Variants in NRP1 observed in about 807,000 individuals in gnomAD.
The protein encoded by NRP1 is neuropilin-1.
In NRP1, 35 loss-of-function variants were observed where a neutral mutation model predicts 106.7. The observed-to-expected ratio is 0.33, with a 90% CI of 0.25 to 0.43. The LOEUF (loss-of-function observed/expected upper bound fraction) is 0.43, where lower values mean the gene tolerates loss of function less well. Ranked by LOEUF, NRP1 falls within the 20% of genes least tolerant of loss-of-function variation. The pLI, the probability that NRP1 is intolerant of heterozygous loss-of-function variation, is 1.00. For missense variants in NRP1, 1,024 were observed against 1,170.4 expected, an observed-to-expected ratio of 0.87 and a Z score of 1.83; for synonymous variants, 437 against 417.9, an observed-to-expected ratio of 1.05 and a Z score of -0.56.
intron 10 of NRP1, 50 bp from the exon 11 acceptor site, chr10:33,203,045 C>G (rs776021002): frequency 6.4e-7 from 1 of 1,551,634 alleles, no homozygotes; most frequent in Admixed American, 1.8e-5. Context: ...AATGTATTCT[C>G]AAGCCTCTGG....
chr10:33,309,694 C>G (rs745429752), intron 2 of NRP1, among the ~76,000 whole-genome samples: 9 of 152,176 alleles, frequency 5.9e-5, no homozygotes, highest in Non-Finnish European at 1.2e-4. Flanking sequence ...TCCCATTGTC[C>G]TTGGAACACC....
At chr10:33,243,461 G>T (rs1187536349) in intron 6 of NRP1, among the ~76,000 whole-genome samples, 3 of 152,174 alleles carry the variant, frequency 2.0e-5, no homozygotes, top group Non-Finnish European at 4.4e-5. Context: ...GAATTTCACT[G>T]ATAGCCTTCT....
intron 10 of NRP1, chr10:33,206,161 A>G (rs1278383237): frequency 1.9e-6 from 1 of 514,092 alleles, no homozygotes; most frequent in Non-Finnish European, 3.9e-6. Flanking sequence ...CACCTCCTAA[A>G]TCAGCATCGC....
intron 2 of NRP1, among the ~76,000 whole-genome samples, chr10:33,316,498 C>T (rs538959753): frequency 3.9e-5 from 6 of 152,294 alleles, no homozygotes; most frequent in Non-Finnish European, 7.4e-5. Context: ...TTGAGGCCAA[C>T]GCTCACGTCA....
intron 6 of NRP1, among the ~76,000 whole-genome samples, chr10:33,242,014 C>A (rs1841062294): frequency 6.6e-6 from 1 of 151,814 alleles, no homozygotes; most frequent in African/African-American, 2.4e-5. Context: ...TGTATTAAAC[C>A]CTTCTGGAAG....
chr10:33,288,394 C>T (rs148670195), intron 2 of NRP1: 1 of 152,374 alleles, frequency 6.6e-6, no homozygotes, highest in East Asian at 1.9e-4. Context: ...GAGTTTTGAG[C>T]TGCTTTGTTT....
intron 2 of NRP1, among the ~76,000 whole-genome samples, chr10:33,325,945 A>G (rs1054965280): frequency 6.6e-6 from 1 of 152,198 alleles, no homozygotes; most frequent in African/African-American, 2.4e-5. Context: ...TCTTCTTGTC[A>G]GTAGGAAAAG....
At chr10:33,184,784 T>A (rs1835898329) in intron 15 of NRP1, among the ~76,000 whole-genome samples, 1 of 152,152 alleles carries the variant, frequency 6.6e-6, no homozygotes, top group African/African-American at 2.4e-5. Flanking sequence ...ATTCAATATA[T>A]TATATAATAA....
chr10:33,284,693 T>C (rs1588918859), intron 2 of NRP1, among the ~76,000 whole-genome samples: 1 of 152,238 alleles, frequency 6.6e-6, no homozygotes, highest in Non-Finnish European at 1.5e-5. Flanking sequence ...GAAATTTTTT[T>C]TGATAGTAAT....
intron 2 of NRP1, among the ~76,000 whole-genome samples, chr10:33,307,154 A>C (rs888791039): frequency 9.9e-5 from 15 of 152,230 alleles, no homozygotes; most frequent in African/African-American, 3.6e-4. Context: ...AAATCTTCAT[A>C]AAGGGAATTT....
chr10:33,243,094 C>T (rs967826342), intron 6 of NRP1, among the ~76,000 whole-genome samples: 1 of 152,142 alleles, frequency 6.6e-6, no homozygotes, highest in Non-Finnish European at 1.5e-5. Flanking sequence ...TTCATCTTAT[C>T]TCCCCCTGTG....
At chr10:33,332,585 G>A (rs1249392666) in intron 1 of NRP1, among the ~76,000 whole-genome samples, 1 of 152,212 alleles carries the variant, frequency 6.6e-6, no homozygotes, top group African/African-American at 2.4e-5. Context: ...AGTGTAATAA[G>A]ATAATGTGGA....
intron 2 of NRP1, among the ~76,000 whole-genome samples, chr10:33,289,539 T>C (rs1387167988): frequency 6.6e-6 from 1 of 152,194 alleles, no homozygotes. Context: ...AGTGGTGTTA[T>C]AAATAAGGGT....
chr10:33,310,073 G>A (rs543487756), intron 2 of NRP1, among the ~76,000 whole-genome samples: 29 of 150,898 alleles, frequency 1.9e-4, no homozygotes, highest in Middle Eastern at 3.5e-3. Context: ...TCAGCCTCCT[G>A]AGTATCTGGG....
intron 8 of NRP1, among the ~76,000 whole-genome samples, chr10:33,219,629 T>C (rs1376895895): frequency 6.6e-6 from 1 of 152,214 alleles, no homozygotes; most frequent in Admixed American, 6.5e-5. Flanking sequence ...ATTGAACAAA[T>C]TATTTACCTT....
intron 16 of NRP1, among the ~76,000 whole-genome samples, chr10:33,181,987 G>A (rs1351932646): frequency 1.3e-5 from 2 of 152,058 alleles, no homozygotes; most frequent in Non-Finnish European, 2.9e-5. Context: ...TAGTCTGCTC[G>A]GAAGGTTGAG....
chr10:33,234,991 C>G (rs1016042680), intron 6 of NRP1, among the ~76,000 whole-genome samples: 1 of 152,054 alleles, frequency 6.6e-6, no homozygotes, highest in African/African-American at 2.4e-5. Context: ...AAATGAAGGC[C>G]CCACACAAGG....
intron 3 of NRP1, 99 bp from the exon 4 acceptor site, chr10:33,263,972 GC>G (rs1348526844): frequency 4.0e-6 from 3 of 746,972 alleles, no homozygotes; most frequent in Admixed American, 2.2e-5. Context: ...TCTAATAAAA[GC>G]CCGCCAGTAT....
intron 13 of NRP1, among the ~76,000 whole-genome samples, chr10:33,190,735 G>A (rs987290103): frequency 1.3e-5 from 2 of 152,092 alleles, no homozygotes; most frequent in Non-Finnish European, 2.9e-5. Context: ...TTTCTGAGTG[G>A]GTGCAGAAGT....
Sources: allele counts gnomAD v4.1 joint callset (sites outside exome capture counted in the v4.1 genomes callset), GRCh38; gene constraint gnomAD v4.1.1; transcripts MANE v1.5; gene names NCBI Gene and HGNC (gene_info 2026-07-23, HGNC 2026-07-21).